The following SIPA1L2 variants were observed in gnomAD, a reference collection of about 807,000 sequenced individuals.
The protein encoded by SIPA1L2 is signal-induced proliferation-associated 1-like protein 2.
Under a neutral mutation model 163.9 loss-of-function variants are expected in SIPA1L2, and 56 were observed. The observed-to-expected ratio is 0.34, with a 90% CI of 0.28 to 0.43. The LOEUF is 0.43. SIPA1L2 is among the 20% of genes least tolerant of loss of function. The pLI is 1.00. For missense variants in SIPA1L2, 1,974 were observed against 2,193.5 expected, an observed-to-expected ratio of 0.90 and a Z score of 2.00; for synonymous variants, 877 against 865.7, an observed-to-expected ratio of 1.01 and a Z score of -0.23.
At chr1:232,615,860 C>T (rs1320196177) in intron 1 of SIPA1L2, among the ~76,000 whole-genome samples, 1 of 152,192 alleles carries the variant, frequency 6.6e-6, no homozygotes, top group African/African-American at 2.4e-5. Context: ...AACACCCTGT[C>T]TGCCTTACTC....
At chr1:232,521,979 C>T (rs2103061957) in intron 2 of SIPA1L2, among the ~76,000 whole-genome samples, 1 of 152,222 alleles carries the variant, frequency 6.6e-6, no homozygotes. Flanking sequence ...TCTGTTCCTC[C>T]TCTGCCCAGC....
chr1:232,421,250 C>T (rs1209137912), intron 18 of SIPA1L2, among the ~76,000 whole-genome samples: 1 of 152,196 alleles, frequency 6.6e-6, no homozygotes, highest in Non-Finnish European at 1.5e-5. Flanking sequence ...TTTCGAGAGA[C>T]TCATGAATTC....
In SIPA1L2 at chr1:232,465,549, TACAC is replaced by T; in HGVS notation, c.2244-137_2244-134del. On this transcript the variant is annotated intron_variant, in intron 8 of 22. Coordinates refer to ENST00000674635, the MANE Select transcript of SIPA1L2 (RefSeq NM_020808.5). The surrounding 1 kb of genome is among the most constrained non-coding windows in gnomAD (Gnocchi z 4.1). The stretch of plus-strand genomic sequence containing the variant: ...ACACACACACATATACATACACACA[TACAC>T]ACACACTTTCAACTTAACTGGTTTA... The T allele has an allele frequency of 1.6e-6, 1 of 618,882 alleles. No individual in the cohort carries two copies. The highest frequency in any genetic ancestry group is 2.3e-6 in the Non-Finnish European group (1 of 437,106). 38.3% of individuals were successfully genotyped at this position (618,882 alleles called of 1,614,324 possible).
chr1:232,458,399 T>G (rs1233895337), intron 10 of SIPA1L2, among the ~76,000 whole-genome samples: 1 of 152,254 alleles, frequency 6.6e-6, no homozygotes, highest in Non-Finnish European at 1.5e-5. Context: ...TTGTTTTAGC[T>G]GAAAAACAAT....
At chr1:232,568,417 C>A (rs1659527830) in intron 2 of SIPA1L2, among the ~76,000 whole-genome samples, 2 of 152,182 alleles carry the variant, frequency 1.3e-5, no homozygotes, top group Admixed American at 6.5e-5. Flanking sequence ...AACATGTGGT[C>A]ATGGAAGTCT....
chr1:232,531,716 C>T (rs867668845), intron 2 of SIPA1L2, among the ~76,000 whole-genome samples: 3 of 152,120 alleles, frequency 2.0e-5, no homozygotes, highest in Non-Finnish European at 1.5e-5. Context: ...GTAGGGTCTA[C>T]ATAACTTGTT....
chr1:232,606,625 T>C (rs962567414), intron 1 of SIPA1L2, among the ~76,000 whole-genome samples: 1 of 148,820 alleles, frequency 6.7e-6, no homozygotes, highest in Non-Finnish European at 1.5e-5. Context: ...TATTCATTTA[T>C]TATATATACT....
chr1:232,579,841 G>A (rs992362847), intron 1 of SIPA1L2, among the ~76,000 whole-genome samples: 2 of 152,110 alleles, frequency 1.3e-5, no homozygotes, highest in Admixed American at 6.6e-5. Flanking sequence ...TTAAAGAAAT[G>A]GCCAGATGGG....
rs1558235290 is a variant in SIPA1L2, at chr1:232,513,861, C to T, written c.1479G>A (p.Gly493=). The T allele has an allele frequency of 1.3e-6, 2 of 1,563,482 alleles. No homozygotes were observed. Among genetic ancestry groups the T allele is most frequent in the African/African-American group, 1.4e-5 (1 of 72,744 alleles). Residue 493 remains glycine, a synonymous_variant, in exon 3 of 23, where the codon GGG becomes GGA. Coordinates refer to ENST00000674635, the MANE Select transcript of SIPA1L2 (RefSeq NM_020808.5). The part of the protein sequence containing the change: ...GAYYYRKFFY[G]KEHQNYFGID... Reference sequence around the variant, plus strand: ...ACGCCCATGGCTCTTCCTTACCTTTCCCATAGAAGAATTTGCGGTAATAAT... The same window carrying T: ...ACGCCCATGGCTCTTCCTTACCTTTTCCATAGAAGAATTTGCGGTAATAAT...
chr1:232,446,930 T>C (rs1663251630), intron 10 of SIPA1L2, among the ~76,000 whole-genome samples: 1 of 152,242 alleles, frequency 6.6e-6, no homozygotes, highest in South Asian at 2.1e-4. Flanking sequence ...TCATTTTCAT[T>C]AATTTGACTT....
At chr1:232,629,701 C>A (rs1043504345) in intron 1 of SIPA1L2, among the ~76,000 whole-genome samples, 168 bp downstream of exon 1, 1 of 152,030 alleles carries the variant, frequency 6.6e-6, no homozygotes, top group Non-Finnish European at 1.5e-5. Flanking sequence ...CAAGCCGGAC[C>A]CTGCGCCGCG....
chr1:232,463,728 T>C (rs1225594567), intron 9 of SIPA1L2, among the ~76,000 whole-genome samples: 1 of 152,194 alleles, frequency 6.6e-6, no homozygotes, highest in Non-Finnish European at 1.5e-5. Context: ...ATCCAGAGAC[T>C]CACCAGTATA....
At chr1:232,469,986 T>C (rs945309615) in intron 8 of SIPA1L2, among the ~76,000 whole-genome samples, 1 of 152,006 alleles carries the variant, frequency 6.6e-6, no homozygotes, top group African/African-American at 2.4e-5. Flanking sequence ...AAGTACTCCA[T>C]TTGACCTAAA....
At chr1:232,408,807 C>T (rs935808043) in intron 19 of SIPA1L2, among the ~76,000 whole-genome samples, 1 of 152,036 alleles carries the variant, frequency 6.6e-6, no homozygotes, top group African/African-American at 2.4e-5. Flanking sequence ...TTCCTAAAGT[C>T]CAATATTTCC....
At chr1:232,553,553 C>T (rs548989223) in intron 2 of SIPA1L2, among the ~76,000 whole-genome samples, 1 of 152,294 alleles carries the variant, frequency 6.6e-6, no homozygotes, top group Non-Finnish European at 1.5e-5. Context: ...CTATGTGACA[C>T]GTTGTCTCTG....
At chr1:232,489,312 C>T (rs906092240) in intron 5 of SIPA1L2, among the ~76,000 whole-genome samples, 7 of 152,256 alleles carry the variant, frequency 4.6e-5, no homozygotes, top group African/African-American at 1.7e-4. Context: ...CAACCCACCC[C>T]GATGTATCCT....
intron 16 of SIPA1L2, among the ~76,000 whole-genome samples, chr1:232,428,985 A>T (rs1375392092): frequency 6.6e-6 from 1 of 152,180 alleles, no homozygotes; most frequent in Non-Finnish European, 1.5e-5. Context: ...GGCAACAGAG[A>T]GGAAGCCACC....
At chr1:232,432,167 C>T in intron 16 of SIPA1L2, 80 bp downstream of exon 16, 4 of 1,155,118 alleles carry the variant, frequency 3.5e-6, no homozygotes, top group South Asian at 1.5e-5. Context: ...AATACATTTC[C>T]TTTGGGAGGA....
chr1:232,426,112 G>T (rs1345062648), intron 17 of SIPA1L2, among the ~76,000 whole-genome samples: 3 of 152,186 alleles, frequency 2.0e-5, no homozygotes, highest in Non-Finnish European at 4.4e-5. Context: ...TTATAGCAGT[G>T]ATAGTTCCTG....
Sources: allele counts gnomAD v4.1 joint callset (sites outside exome capture counted in the v4.1 genomes callset), GRCh38; gene constraint gnomAD v4.1.1; non-coding constraint Gnocchi (gnomAD v3.1); transcripts MANE v1.5; gene names NCBI Gene and HGNC (gene_info 2026-07-23, HGNC 2026-07-21).